PDZRN4: variants seen among roughly 807,000 people sequenced by gnomAD.
The protein encoded by PDZRN4 is PDZ domain-containing RING finger protein 4.
In PDZRN4, 70 loss-of-function variants were observed where a neutral mutation model predicts 99.0. The observed-to-expected ratio is 0.71, with a 90% CI of 0.58 to 0.86. The LOEUF is 0.86. Ranked by LOEUF, PDZRN4 falls within the 40% of genes least tolerant of loss-of-function variation. The pLI is 0.00. For missense variants in PDZRN4, 1,474 were observed against 1,331.2 expected (o/e 1.11, Z -1.67); for synonymous variants, 551 against 501.6 (o/e 1.10, Z -1.32).
At chr12:41,342,294 G>A (rs2121017318) in intron 3 of PDZRN4, among the ~76,000 whole-genome samples, 1 of 151,826 alleles carries the variant, frequency 6.6e-6, no homozygotes, top group Admixed American at 6.6e-5. Flanking sequence ...GGCTGGGTAA[G>A]GATTTTTAAA....
At chr12:41,239,676 T>A (rs1951090472) in intron 3 of PDZRN4, among the ~76,000 whole-genome samples, 2 of 152,210 alleles carry the variant, frequency 1.3e-5, no homozygotes, top group Non-Finnish European at 2.9e-5. Flanking sequence ...ATAAGTCATT[T>A]TCAAGAAATC....
intron 3 of PDZRN4, among the ~76,000 whole-genome samples, chr12:41,221,342 T>C (rs1591973586): frequency 6.6e-6 from 1 of 152,140 alleles, no homozygotes; most frequent in Non-Finnish European, 1.5e-5. Context: ...GTAACCCAAA[T>C]ATATTGCATC....
chr12:41,373,743 GAGACTAAAGTAA>G, intron 3 of PDZRN4, among the ~76,000 whole-genome samples: 1 of 152,274 alleles, frequency 6.6e-6, no homozygotes, highest in East Asian at 1.9e-4. Context: ...ACGGGATTAA[GAGACTAAAGTAA>G]AGACTGGTGT....
intron 3 of PDZRN4, among the ~76,000 whole-genome samples, chr12:41,380,664 A>G (rs1338494559): frequency 1.3e-5 from 2 of 152,058 alleles, no homozygotes; most frequent in Admixed American, 1.3e-4. Flanking sequence ...TACAGCTTAC[A>G]TTTGTTTTAT....
intron 3 of PDZRN4, among the ~76,000 whole-genome samples, chr12:41,270,560 G>C (rs1487577236): frequency 9.2e-5 from 14 of 151,956 alleles, no homozygotes; most frequent in Non-Finnish European, 1.5e-5. Flanking sequence ...ATTTCCACTT[G>C]CTTTCAGTGA....
Position 41,373,592 on chromosome 12 carries a change from A to C in PDZRN4, c.844-132864A>C, listed in dbSNP as rs182635759. 2.1e-3 allele frequency among the ~76,000 whole-genome samples: 326 copies of C among 152,226 alleles called. 3 individuals are homozygous for C. Among genetic ancestry groups the C allele is most frequent in the African/African-American group, 6.5e-3 (271 of 41,550 alleles). ...TAAGGTTCTCTCTTATTCCCTGAAC[A>C]TTGCTGTTATCCTGTTCTTTTTTCA... On this transcript the variant is annotated intron_variant, in intron 3 of 9. Coordinates refer to ENST00000402685, the MANE Select transcript of PDZRN4 (RefSeq NM_001164595.2).
chr12:41,492,309 T>G (rs1199750940), intron 3 of PDZRN4, among the ~76,000 whole-genome samples: 1 of 152,192 alleles, frequency 6.6e-6, no homozygotes, highest in African/African-American at 2.4e-5. Context: ...AAGAAAGAAC[T>G]ATTAGATAAT....
chr12:41,502,686 T>C (rs1210976473), intron 3 of PDZRN4, among the ~76,000 whole-genome samples: 6 of 152,084 alleles, frequency 3.9e-5, no homozygotes, highest in Non-Finnish European at 8.8e-5. Context: ...TTTCTTCACC[T>C]TTAGTCTCAT....
chr12:41,262,549 G>A (rs1951247512), intron 3 of PDZRN4, among the ~76,000 whole-genome samples: 2 of 152,196 alleles, frequency 1.3e-5, no homozygotes, highest in Admixed American at 1.3e-4. Flanking sequence ...CAGTATGGTT[G>A]TAGAGGTACA....
intron 3 of PDZRN4, among the ~76,000 whole-genome samples, chr12:41,430,952 G>A (rs7136162): frequency 0.011 from 1,735 of 152,234 alleles, 28 homozygotes; most frequent in African/African-American, 0.04. Context: ...GAGAGCAGGA[G>A]CAAGATGGGA....
chr12:41,560,210 T>G (rs1939246441), intron 7 of PDZRN4, among the ~76,000 whole-genome samples: 1 of 152,218 alleles, frequency 6.6e-6, no homozygotes. Flanking sequence ...AAATCTTTTC[T>G]TATTGCCTAA....
intron 3 of PDZRN4, among the ~76,000 whole-genome samples, chr12:41,464,183 C>T (rs886338328): frequency 4.6e-5 from 7 of 152,048 alleles, no homozygotes; most frequent in African/African-American, 7.2e-5. Context: ...TAGTCCTGAA[C>T]GAACACAGGG....
At chr12:41,293,791 T>C (rs187986616) in intron 3 of PDZRN4, among the ~76,000 whole-genome samples, 1 of 152,308 alleles carries the variant, frequency 6.6e-6, no homozygotes, top group East Asian at 1.9e-4. Flanking sequence ...TTAATTTCTG[T>C]AGTGTTTCAC....
intron 3 of PDZRN4, among the ~76,000 whole-genome samples, chr12:41,198,337 C>A (rs558963765): frequency 6.6e-6 from 1 of 152,020 alleles, no homozygotes; most frequent in Non-Finnish European, 1.5e-5. Context: ...ACTCCCCTAA[C>A]CCCTGCAGCT....
chr12:41,282,204 A>T (rs945091533), intron 3 of PDZRN4, among the ~76,000 whole-genome samples: 12 of 152,226 alleles, frequency 7.9e-5, no homozygotes, highest in African/African-American at 2.7e-4. Flanking sequence ...GAAAGCAAAA[A>T]AAACAGGGGT....
At chr12:41,571,877 A>G (rs1047203161) in intron 9 of PDZRN4, among the ~76,000 whole-genome samples, 2 of 152,174 alleles carry the variant, frequency 1.3e-5, no homozygotes, top group Non-Finnish European at 2.9e-5. Flanking sequence ...TGGCTTACCC[A>G]TTGTCAGCAT....
chr12:41,191,720 C>T (rs1043831725), intron 2 of PDZRN4, among the ~76,000 whole-genome samples, 176 bp downstream of exon 2: 1 of 151,984 alleles, frequency 6.6e-6, no homozygotes, highest in African/African-American at 2.4e-5. Flanking sequence ...TTTCTTAATG[C>T]AAATATTCCA....
At chr12:41,243,437 T>A (rs992117378) in intron 3 of PDZRN4, among the ~76,000 whole-genome samples, 10 of 152,216 alleles carry the variant, frequency 6.6e-5, no homozygotes, top group Non-Finnish European at 1.5e-4. Flanking sequence ...TACTTCAGGT[T>A]TATGACCAGA....
At chr12:41,302,695 A>G (rs1951543997) in intron 3 of PDZRN4, among the ~76,000 whole-genome samples, 1 of 152,072 alleles carries the variant, frequency 6.6e-6, no homozygotes, top group Admixed American at 6.6e-5. Flanking sequence ...TTCTTCATTT[A>G]TTCAATGAGA....
Sources: allele counts gnomAD v4.1 joint callset (sites outside exome capture counted in the v4.1 genomes callset), GRCh38; gene constraint gnomAD v4.1.1; transcripts MANE v1.5; gene names NCBI Gene and HGNC (gene_info 2026-07-23, HGNC 2026-07-21).